FGF7: variants seen among roughly 807,000 people sequenced by gnomAD.
FGF7 encodes the protein FGF-7.
In FGF7, 6 loss-of-function variants were observed where a neutral mutation model predicts 20.5. The observed-to-expected ratio is 0.29, with a 90% CI of 0.16 to 0.58. The LOEUF (loss-of-function observed/expected upper bound fraction) is 0.58. Ranked by LOEUF, FGF7 falls within the 20% of genes least tolerant of loss-of-function variation. The probability of loss-of-function intolerance (pLI) is 0.90; values close to 1 mark genes in which losing one functional copy is unlikely to be tolerated. For synonymous variants in FGF7, 64 were observed against 74.7 expected (o/e 0.86, Z 0.74); for missense variants, 144 against 228.8 (o/e 0.63, Z 2.39).
chr15:49,474,689 G>A (rs1302509791), intron 2 of FGF7, among the ~76,000 whole-genome samples: 1 of 152,134 alleles, frequency 6.6e-6, no homozygotes, highest in Non-Finnish European at 1.5e-5. Context: ...TAGGAACTAG[G>A]CGGCAGAGCA....
intron 2 of FGF7, among the ~76,000 whole-genome samples, chr15:49,438,484 T>C (rs1224602626): frequency 1.3e-5 from 2 of 151,716 alleles, no homozygotes; most frequent in Admixed American, 6.6e-5. Flanking sequence ...GGGAGAAAAG[T>C]AGGCTAGAAA....
intron 2 of FGF7, among the ~76,000 whole-genome samples, chr15:49,427,842 T>C (rs970574350): frequency 1.3e-5 from 2 of 151,866 alleles, no homozygotes; most frequent in Non-Finnish European, 2.9e-5. Context: ...TTGGAGGGCA[T>C]GGAGAAAGAA....
rs751960683 is a variant in FGF7 at position 49,483,215 on chromosome 15, C to T, written c.351C>T (p.Phe117=). The part of the protein sequence containing the change: ...IVAIKGVESE[F]YLAMNKEGKL... ...CAATCAAAGGGGTGGAAAGTGAATT[C>T]TATCTTGCAATGAACAAGGAAGGAA... Residue 117 remains phenylalanine, a synonymous_variant, in exon 3 of 4, where the codon TTC becomes TTT. Transcript: ENST00000267843. The T allele has an allele frequency of 1.1e-4, 175 of 1,590,036 alleles. No individual in the cohort carries two copies. Among genetic ancestry groups the T allele is most frequent in the Non-Finnish European group, 1.4e-4 (170 of 1,174,288 alleles).
chr15:49,432,771 A>T (rs985935680), intron 2 of FGF7, among the ~76,000 whole-genome samples: 6 of 151,702 alleles, frequency 4.0e-5, no homozygotes, highest in Admixed American at 1.3e-4. Context: ...AATACTGGAC[A>T]GAAATCCAGG....
intron 2 of FGF7, among the ~76,000 whole-genome samples, chr15:49,482,005 G>C (rs2055991972): frequency 6.6e-6 from 1 of 152,086 alleles, no homozygotes; most frequent in South Asian, 2.1e-4. Flanking sequence ...AGAATGAAGT[G>C]AAGGTATGGG....
In FGF7 at chr15:49,479,680, C is replaced by T. The variant is rs1422230242; in HGVS notation, c.287-3471C>T. 4.2e-5 allele frequency among the ~76,000 whole-genome samples: 5 copies of T among 119,292 alleles called. No individual in the cohort carries two copies. In the Admixed American group the frequency reaches 5.8e-4, roughly 14 times the overall value. 78.3% of individuals were successfully genotyped at this position (119,292 alleles called of 152,430 possible). Reference sequence around the variant, plus strand: ...CCAGGCTGGAGTGCAATGGTGAAATCTCGGCTCACTGCAACCTCCGCCTCC... The same window carrying T: ...CCAGGCTGGAGTGCAATGGTGAAATTTCGGCTCACTGCAACCTCCGCCTCC... On this transcript the variant is annotated intron_variant, in intron 2 of 3. Coordinates refer to ENST00000267843, the MANE Select transcript of FGF7 (RefSeq NM_002009.4).
intron 2 of FGF7, among the ~76,000 whole-genome samples, chr15:49,474,329 C>T (rs1192782313): frequency 6.6e-6 from 1 of 152,156 alleles, no homozygotes; most frequent in Non-Finnish European, 1.5e-5. Flanking sequence ...ATGTCTTCAC[C>T]TCTTTCAAGG....
At chr15:49,472,396 A>T (rs1224269491) in intron 2 of FGF7, among the ~76,000 whole-genome samples, 1 of 152,188 alleles carries the variant, frequency 6.6e-6, no homozygotes, top group Non-Finnish European at 1.5e-5. Context: ...GTGAGCATAA[A>T]GGGCTTCTGC....
At position 49,485,301 on chromosome 15, in the gene FGF7, G is replaced by GT. The variant is rs1224122814; in HGVS notation, c.*804dup. ...CAAAGTAAAATTGAGAAATCTTTAA[G>GT]TTTTTTTCAAGTAACATAATCTATC... is the stretch of plus-strand genomic sequence containing the variant. On this transcript the variant is annotated 3_prime_UTR_variant, in exon 4 of 4. Coordinates refer to ENST00000267843, the MANE Select transcript of FGF7 (RefSeq NM_002009.4). 2 of 152,128 alleles carry GT rather than the reference G, an allele frequency of 1.3e-5. No individual in the cohort carries two copies. Among genetic ancestry groups the GT allele is most frequent in the Admixed American group, 6.6e-5 (1 of 15,208 alleles). The allele number at this position is 152,128 out of a possible 1,614,324, so 9.4% of individuals were successfully genotyped here. A position where few individuals can be genotyped will look rare whatever the true frequency, so the allele number is the denominator to read the frequency against.
At chr15:49,469,016 A>T (rs946734867) in intron 2 of FGF7, among the ~76,000 whole-genome samples, 4 of 152,168 alleles carry the variant, frequency 2.6e-5, no homozygotes, top group Non-Finnish European at 5.9e-5. Context: ...ATACAGCTAC[A>T]TGTTTTATGT....
chr15:49,449,529 T>C (rs764851063), intron 2 of FGF7, among the ~76,000 whole-genome samples: 10 of 151,982 alleles, frequency 6.6e-5, no homozygotes, highest in Admixed American at 2.0e-4. Context: ...ATGCTCCAAA[T>C]TGCACAGGGT....
At chr15:49,471,055 T>C (rs897381159) in intron 2 of FGF7, among the ~76,000 whole-genome samples, 1 of 152,214 alleles carries the variant, frequency 6.6e-6, no homozygotes, top group Non-Finnish European at 1.5e-5. Context: ...TGAAAAGTCT[T>C]GTTGATACTC....
intron 3 of FGF7, among the ~76,000 whole-genome samples, chr15:49,483,667 T>C (rs2056151929): frequency 6.6e-6 from 1 of 152,068 alleles, no homozygotes. Flanking sequence ...TCAACATCAA[T>C]CTCACAATCA....
At chr15:49,441,680 C>G (rs1378005519) in intron 2 of FGF7, among the ~76,000 whole-genome samples, 1 of 151,660 alleles carries the variant, frequency 6.6e-6, no homozygotes. Context: ...TTCAGCCTCT[C>G]AAATAACAAT....
At chr15:49,437,715 G>C (rs2051236554) in intron 2 of FGF7, among the ~76,000 whole-genome samples, 1 of 151,602 alleles carries the variant, frequency 6.6e-6, no homozygotes, top group African/African-American at 2.4e-5. Context: ...AATATTTACT[G>C]AGCATATATT....
intron 2 of FGF7, among the ~76,000 whole-genome samples, chr15:49,448,420 T>C (rs113493241): frequency 0.024 from 3,659 of 151,836 alleles, 115 homozygotes; most frequent in South Asian, 0.15. Context: ...AACTGATGTG[T>C]ATATTAATTG....
chr15:49,485,473 TA>T lies in FGF7; in HGVS notation c.*979del, dbSNP rs79465035. The T allele has an allele frequency of 0.2, 29,802 of 149,612 alleles. 3,555 individuals carry two copies. Among genetic ancestry groups the T allele is most frequent in the East Asian group, 0.33 (1,681 of 5,136 alleles). The allele number at this position is 149,612 out of a possible 1,614,324, so 9.3% of individuals were successfully genotyped here. On this transcript the variant is annotated 3_prime_UTR_variant, in exon 4 of 4. Coordinates refer to ENST00000267843, the MANE Select transcript of FGF7 (RefSeq NM_002009.4). ...TTGTTATTTAAGTTTATGTTATTTATAAAAAAAAAACCTTAATAAGCTGTAT... is the reference window on the plus strand; with the variant it reads ...TTGTTATTTAAGTTTATGTTATTTATAAAAAAAAACCTTAATAAGCTGTAT...
At chr15:49,447,208 T>C (rs989637477) in intron 2 of FGF7, among the ~76,000 whole-genome samples, 9 of 151,678 alleles carry the variant, frequency 5.9e-5, no homozygotes, top group Non-Finnish European at 8.9e-5. Context: ...ACCAGGCCCA[T>C]TGTAAATAAT....
chr15:49,424,283 G>C lies in FGF7; in HGVS notation c.-15G>C. The C allele has an allele frequency of 6.2e-7, 1 of 1,604,184 alleles. No homozygotes were observed. The highest frequency in any genetic ancestry group is 1.1e-5 in the South Asian group (1 of 90,172). On this transcript the variant is annotated 5_prime_UTR_variant, in exon 2 of 4. Transcript: ENST00000267843. ...TCATTATGTTATTCATGAACACCCG[G>C]AGCACTACACTATAATGCACAAATG...
Sources: gnomAD v4.1 joint callset for allele counts (sites outside exome capture counted in the v4.1 genomes callset) on GRCh38, gnomAD v4.1.1 for gene constraint, MANE v1.5 for transcripts, NCBI Gene and HGNC (gene_info 2026-07-23, HGNC 2026-07-21) for gene names.